Variants in IL4R observed in about 807,000 individuals in gnomAD.
IL4R encodes the protein interleukin 4 receptor, also known as interleukin-4 receptor subunit alpha.
IL4R carries 17 observed loss-of-function variants against 41.5 expected under a neutral mutation model. That is an observed-to-expected ratio of 0.41 (90% CI 0.28 to 0.61). The LOEUF is 0.61. Ranked by LOEUF, IL4R falls within the 20% of genes least tolerant of loss-of-function variation. IL4R has a pLI of 0.31. For missense variants in IL4R, 974 were observed against 1,043.1 expected (o/e 0.93, Z 0.91); for synonymous variants, 402 against 422.9 (o/e 0.95, Z 0.61).
intron 10 of IL4R, among the ~76,000 whole-genome samples, chr16:27,361,180 C>G (rs2086271055): frequency 6.6e-6 from 1 of 151,662 alleles, no homozygotes; most frequent in Non-Finnish European, 1.5e-5. Context: ...ACTCTGTGGC[C>G]CAGGCTGGTG....
At chr16:27,324,875 C>T (rs1017887928) in intron 1 of IL4R, among the ~76,000 whole-genome samples, 17 of 152,120 alleles carry the variant, frequency 1.1e-4, no homozygotes, top group African/African-American at 3.4e-4. Flanking sequence ...CTGGGATCCT[C>T]CCCACCACCC....
chr16:27,339,313 G>A (rs1053860555), intron 2 of IL4R, among the ~76,000 whole-genome samples: 4 of 152,100 alleles, frequency 2.6e-5, no homozygotes, highest in South Asian at 2.1e-4. Context: ...AGAGCAATAC[G>A]TTTCTGTTCT....
intron 4 of IL4R, among the ~76,000 whole-genome samples, chr16:27,344,655 G>A (rs1488445302): frequency 2.0e-5 from 3 of 152,232 alleles, no homozygotes; most frequent in Non-Finnish European, 2.9e-5. Flanking sequence ...CATCCTTGGT[G>A]CATGTGGTAA....
intron 6 of IL4R, among the ~76,000 whole-genome samples, chr16:27,346,938 C>T (rs1485594777): frequency 3.9e-5 from 6 of 152,224 alleles, no homozygotes; most frequent in Admixed American, 3.9e-4. Context: ...ATTGACAGCT[C>T]ACTTGAATAA....
intron 1 of IL4R, among the ~76,000 whole-genome samples, chr16:27,323,430 A>G (rs2084869602): frequency 6.6e-6 from 1 of 152,162 alleles, no homozygotes; most frequent in African/African-American, 2.4e-5. Context: ...GGTGTATAAA[A>G]AAGCAAGTTT....
intron 7 of IL4R, chr16:27,355,117 G>C (rs1258989327): frequency 2.4e-6 from 1 of 410,624 alleles, no homozygotes; most frequent in African/African-American, 2.1e-5. Context: ...CTCTTGTGGA[G>C]CTGACATTCT....
At chr16:27,348,354 A>G (rs2085736257) in intron 6 of IL4R, among the ~76,000 whole-genome samples, 1 of 152,202 alleles carries the variant, frequency 6.6e-6, no homozygotes, top group Non-Finnish European at 1.5e-5. Flanking sequence ...TGCAAGACCT[A>G]CAGAGAGTCC....
Position 27,344,856 on chromosome 16 carries a change from C to T in IL4R, c.210-13C>T, listed in dbSNP as rs1022034958. The T allele has an allele frequency of 6.2e-7, 1 of 1,613,780 alleles. No homozygotes were observed. Among genetic ancestry groups the T allele is most frequent in the African/African-American group, 1.3e-5 (1 of 74,946 alleles). ...TACAGGTGACCAGCCTAACCCAGCC[C>T]CTGTGTCTGCAGAGCCCACACGTGT... On this transcript the variant is annotated splice_polypyrimidine_tract_variant and intron_variant, in intron 4 of 10. Transcript: ENST00000395762.
intron 3 of IL4R, 40 bp downstream of exon 3, chr16:27,340,313 A>T (rs1057507344): frequency 6.6e-7 from 1 of 1,518,446 alleles, no homozygotes; most frequent in African/African-American, 1.4e-5. Context: ...GTTGGCTATT[A>T]ATGGCGTGCC....
At chr16:27,362,164 A>T in intron 10 of IL4R, 88 bp from the exon 11 acceptor site, 1 of 1,277,246 alleles carries the variant, frequency 7.8e-7, no homozygotes, top group Non-Finnish European at 1.1e-6. Context: ...AGCCATCAGG[A>T]CATGGTGATT....
At chr16:27,349,540 T>A (rs891169717) in intron 6 of IL4R, among the ~76,000 whole-genome samples, 4 of 151,764 alleles carry the variant, frequency 2.6e-5, no homozygotes, top group African/African-American at 9.7e-5. Context: ...TGATAAAAGG[T>A]TTATGGGTGT....
At chr16:27,351,717 G>A (rs753720647) in intron 6 of IL4R, among the ~76,000 whole-genome samples, 4 of 152,016 alleles carry the variant, frequency 2.6e-5, no homozygotes. Context: ...GTTTCACCAT[G>A]TTGGCCAGGC....
intron 1 of IL4R, among the ~76,000 whole-genome samples, chr16:27,324,630 A>G (rs531997084): frequency 1.3e-5 from 2 of 152,314 alleles, no homozygotes; most frequent in South Asian, 4.1e-4. Flanking sequence ...TTGCAGAAAG[A>G]TGGAGGCCAG....
intron 1 of IL4R, among the ~76,000 whole-genome samples, chr16:27,316,217 AAACTT>A (rs2084645141): frequency 6.6e-6 from 1 of 152,042 alleles, no homozygotes; most frequent in Non-Finnish European, 1.5e-5. Context: ...AAAAATTTAA[AAACTT>A]AGCCAGGCGT....
rs528811006 is a variant in IL4R at position 27,364,068 on chromosome 16, C to T, written c.*238C>T. 21 of 499,838 alleles carry T rather than the reference C, an allele frequency of 4.2e-5. No individual in the cohort carries two copies. Among genetic ancestry groups the T allele is most frequent in the African/African-American group, 1.9e-4 (10 of 51,604 alleles). 31.0% of individuals were successfully genotyped at this position (499,838 alleles called of 1,614,324 possible). On this transcript the variant is annotated 3_prime_UTR_variant, in exon 11 of 11. Coordinates refer to ENST00000395762, the MANE Select transcript of IL4R (RefSeq NM_000418.4). Reference sequence around the variant, plus strand: ...ATGAGAGTAGAGGGCACTGGGTCGCCGTGCCCCACGGCAGGCCCCTGCAGG... The same window carrying T: ...ATGAGAGTAGAGGGCACTGGGTCGCTGTGCCCCACGGCAGGCCCCTGCAGG...
chr16:27,339,304 G>A lies in IL4R; in HGVS notation c.-18-882G>A, dbSNP rs567085966. ...GAGATGCACACCATTGCACCCAATA[G>A]AGCAATACGTTTCTGTTCTTTGTAA... On this transcript the variant is annotated intron_variant, in intron 2 of 10. Transcript: ENST00000395762. Among the ~76,000 whole-genome samples, 172 of 152,196 alleles carry A rather than the reference G, an allele frequency of 1.1e-3. 3 individuals are homozygous for A. Among genetic ancestry groups the A allele is most frequent in the Non-Finnish European group, 1.9e-3 (126 of 67,990 alleles).
Position 27,363,970 on chromosome 16 carries a change from CA to C in IL4R, c.*141del. 9.7e-7 allele frequency: 1 copy of C among 1,028,538 alleles called. No homozygotes were observed. The highest frequency in any genetic ancestry group is 3.2e-4 in the Middle Eastern group (1 of 3,126). The allele number at this position is 1,028,538 out of a possible 1,614,324, so 63.7% of individuals were successfully genotyped here. ...ACCATGGTATGAAGGTGATTGGCCCCACTGACGTTGGCCTAACACTGGGCTG... is the reference window on the plus strand; with the variant it reads ...ACCATGGTATGAAGGTGATTGGCCCCCTGACGTTGGCCTAACACTGGGCTG... On this transcript the variant is annotated 3_prime_UTR_variant, in exon 11 of 11. Transcript: ENST00000395762.
At chr16:27,337,012 G>A (rs1335205545) in intron 2 of IL4R, among the ~76,000 whole-genome samples, 1 of 152,194 alleles carries the variant, frequency 6.6e-6, no homozygotes, top group Non-Finnish European at 1.5e-5. Context: ...GGGAGGCGGA[G>A]GTTGCAGTGA....
chr16:27,322,581 G>A (rs1854215867), intron 1 of IL4R, among the ~76,000 whole-genome samples: 1 of 152,088 alleles, frequency 6.6e-6, no homozygotes, highest in African/African-American at 2.4e-5. Flanking sequence ...GTGGTGGCGT[G>A]CACCTGTAGT....
Sources: gnomAD v4.1 joint callset for allele counts (sites outside exome capture counted in the v4.1 genomes callset) on GRCh38, gnomAD v4.1.1 for gene constraint, MANE v1.5 for transcripts, NCBI Gene and HGNC (gene_info 2026-07-23, HGNC 2026-07-21) for gene names.